The following SGCG variants were observed in gnomAD, a reference collection of about 807,000 sequenced individuals.
SGCG encodes the protein sarcoglycan gamma, also known as gamma-sarcoglycan.
Under a neutral mutation model 29.3 loss-of-function variants are expected in SGCG, and 26 were observed. That is an observed-to-expected ratio of 0.89 (90% CI 0.65 to 1.23). SGCG has a LOEUF of 1.23. Among genes scored for constraint, SGCG ranks in the 50% most tolerant of loss-of-function variants. SGCG has a pLI of 0.00. For missense variants in SGCG, 353 were observed against 356.0 expected (o/e 0.99, Z 0.07); for synonymous variants, 145 against 129.7 (o/e 1.12, Z -0.80).
At chr13:23,263,583 A>G (rs1042645590) in intron 4 of SGCG, among the ~76,000 whole-genome samples, 3 of 152,086 alleles carry the variant, frequency 2.0e-5, no homozygotes, top group Non-Finnish European at 2.9e-5. Flanking sequence ...AACTCATTAT[A>G]CGAACCCAGT....
Position 23,185,270 on chromosome 13 carries a change from C to T in SGCG, c.-1+4195C>T, listed in dbSNP as rs370683776. 1.1e-4 allele frequency among the ~76,000 whole-genome samples: 16 copies of T among 152,286 alleles called. 1 individual carries two copies. Among genetic ancestry groups the T allele is most frequent in the African/African-American group, 3.8e-4 (16 of 41,576 alleles). On this transcript the variant is annotated intron_variant, in intron 1 of 7. Coordinates refer to ENST00000218867, the MANE Select transcript of SGCG (RefSeq NM_000231.3). Reference sequence around the variant, plus strand: ...GCAATGGTGCGATCTTGGCTCACTACACCCTCCGCCTTCTGGGTTCAAGCA... The same window carrying T: ...GCAATGGTGCGATCTTGGCTCACTATACCCTCCGCCTTCTGGGTTCAAGCA...
At position 23,261,513 on chromosome 13, in the gene SGCG, T is replaced by C. The variant is rs149905389; in HGVS notation, c.385+10796T>C. On this transcript the variant is annotated intron_variant, in intron 4 of 7. Transcript: ENST00000218867. ...AATCTCTACAAAATATGGAATTATG[T>C]AAAACAACCAAACTAACAATCTTAG... Among the ~76,000 whole-genome samples, 3 of 152,170 alleles carry C rather than the reference T, an allele frequency of 2.0e-5. No individual in the cohort carries two copies. The East Asian group carries it at 5.8e-4, about 29-fold the overall frequency.
chr13:23,223,199 AC>A (rs1164393952), intron 2 of SGCG, among the ~76,000 whole-genome samples: 1 of 149,680 alleles, frequency 6.7e-6, no homozygotes, highest in East Asian at 2.0e-4. Context: ...AATGGCATGA[AC>A]CTGGAAGGCG....
chr13:23,320,825 G>A, intron 7 of SGCG, 65 bp downstream of exon 7: 2 of 1,504,890 alleles, frequency 1.3e-6, no homozygotes, highest in South Asian at 1.1e-5. Context: ...TACCATGTCT[G>A]TAAAGCTATC....
chr13:23,262,488 G>A (rs962936105), intron 4 of SGCG, among the ~76,000 whole-genome samples: 2 of 151,742 alleles, frequency 1.3e-5, no homozygotes, highest in Non-Finnish European at 2.9e-5. Context: ...CTTAAGTCCA[G>A]AGCTCTTAGA....
At chr13:23,296,366 T>A (rs510433) in intron 6 of SGCG, among the ~76,000 whole-genome samples, 55,817 of 152,160 alleles carry the variant, frequency 0.37, 10,874 homozygotes, top group East Asian at 0.79. Flanking sequence ...GCACAATAAA[T>A]CCATATTTGC....
At chr13:23,251,791 T>A (rs1028220337) in intron 4 of SGCG, among the ~76,000 whole-genome samples, 5 of 152,232 alleles carry the variant, frequency 3.3e-5, no homozygotes, top group Admixed American at 3.3e-4. Flanking sequence ...CTATTAACAT[T>A]GGATAGATTT....
chr13:23,256,992 C>T (rs1373300094), intron 4 of SGCG, among the ~76,000 whole-genome samples: 1 of 152,192 alleles, frequency 6.6e-6, no homozygotes, highest in Non-Finnish European at 1.5e-5. Context: ...TACACTCCCA[C>T]CAACGGTGTA....
At chr13:23,225,498 C>A (rs1356576688) in intron 2 of SGCG, among the ~76,000 whole-genome samples, 1 of 152,106 alleles carries the variant, frequency 6.6e-6, no homozygotes, top group Non-Finnish European at 1.5e-5. Context: ...CTCTCATAGT[C>A]TTTTACTGAC....
At chr13:23,173,311 C>A in the SGCG span, among the ~76,000 whole-genome samples, 1 of 152,184 alleles carries the variant, frequency 6.6e-6, no homozygotes, top group Admixed American at 6.5e-5. Flanking sequence ...GAGGAGGAGT[C>A]ACACATGCAG....
intron 4 of SGCG, among the ~76,000 whole-genome samples, chr13:23,253,867 C>G (rs1880070443): frequency 6.6e-6 from 1 of 152,190 alleles, no homozygotes; most frequent in Admixed American, 6.5e-5. Context: ...TCTCTTCTCT[C>G]TTGCTCCTAC....
At chr13:23,177,137 G>T (rs1383024966), upstream of SGCG, among the ~76,000 whole-genome samples, 2 of 152,108 alleles carry the variant, frequency 1.3e-5, no homozygotes, top group Non-Finnish European at 2.9e-5. Flanking sequence ...GACAAATACT[G>T]CATGTTCTCA....
At chr13:23,279,540 G>T in intron 5 of SGCG, 62 bp downstream of exon 5, 1 of 1,527,784 alleles carries the variant, frequency 6.5e-7, no homozygotes, top group Non-Finnish European at 9.0e-7. Flanking sequence ...AAAACACATT[G>T]TACTATTGAC....
intron 6 of SGCG, among the ~76,000 whole-genome samples, chr13:23,308,654 T>C (rs1388867524): frequency 6.6e-6 from 1 of 152,066 alleles, no homozygotes; most frequent in African/African-American, 2.4e-5. Flanking sequence ...AGCCTCCACC[T>C]CCTGGGTTTA....
At chr13:23,321,527 T>TG (rs1420752561) in intron 7 of SGCG, among the ~76,000 whole-genome samples, 2 of 152,184 alleles carry the variant, frequency 1.3e-5, no homozygotes, top group Admixed American at 1.3e-4. Flanking sequence ...AACGGTGACT[T>TG]GAACACAAGT....
chr13:23,168,192 C>T, the SGCG span, among the ~76,000 whole-genome samples: 1 of 152,038 alleles, frequency 6.6e-6, no homozygotes, highest in East Asian at 1.9e-4. Flanking sequence ...TGTTTGTTTC[C>T]TTTGCTGTGC....
intron 2 of SGCG, among the ~76,000 whole-genome samples, chr13:23,222,108 G>T (rs4770412): frequency 1.3e-5 from 2 of 152,002 alleles, no homozygotes; most frequent in Non-Finnish European, 1.5e-5. Flanking sequence ...GTTTCCCCAT[G>T]TATCAGATTT....
At position 23,277,517 on chromosome 13, in the gene SGCG, T is replaced by G. The variant is rs568952882; in HGVS notation, c.386-1842T>G. On this transcript the variant is annotated intron_variant, in intron 4 of 7. Transcript: ENST00000218867. ...TAAATGAAGACTCACTGGAGGGTTT[T>G]AAATACAAATTAATAAAATTAAGAA... is the stretch of plus-strand genomic sequence containing the variant. 3.9e-5 allele frequency among the ~76,000 whole-genome samples: 6 copies of G among 152,252 alleles called. No individual in the cohort carries two copies. In the East Asian group the frequency reaches 1.2e-3, roughly 29 times the overall value.
At chr13:23,266,529 C>T (rs144507532) in intron 4 of SGCG, among the ~76,000 whole-genome samples, 1 of 151,898 alleles carries the variant, frequency 6.6e-6, no homozygotes, top group Non-Finnish European at 1.5e-5. Context: ...GTAAAATGAG[C>T]GTTGGAGGCT....
Sources: allele counts gnomAD v4.1 joint callset (sites outside exome capture counted in the v4.1 genomes callset), GRCh38; gene constraint gnomAD v4.1.1; transcripts MANE v1.5; gene names NCBI Gene and HGNC (gene_info 2026-07-23, HGNC 2026-07-21).